Variants in SMG6 observed in about 807,000 individuals in gnomAD.
The protein encoded by SMG6 is SMG6 nonsense mediated mRNA decay factor.
A neutral mutation model predicts 142.2 loss-of-function variants in SMG6; 66 were observed. The ratio of observed to expected loss-of-function variants is 0.46; its 90% confidence interval spans 0.38 to 0.57. The LOEUF is 0.57. Among genes scored for constraint, SMG6 ranks in the 20% least tolerant of loss-of-function variants. SMG6 has a pLI of 0.00. For synonymous variants in SMG6, 779 were observed against 702.4 expected (o/e 1.11, Z -1.72); for missense variants, 1,793 against 1,832.0 (o/e 0.98, Z 0.39).
At chr17:2,159,860 C>T (rs969490034) in intron 13 of SMG6, among the ~76,000 whole-genome samples, 3 of 152,018 alleles carry the variant, frequency 2.0e-5, no homozygotes, top group Non-Finnish European at 4.4e-5. Flanking sequence ...ATATAATGCC[C>T]AATATGGATG....
intron 13 of SMG6, among the ~76,000 whole-genome samples, chr17:2,136,942 T>C (rs571765570): frequency 7.9e-5 from 12 of 152,196 alleles, no homozygotes; most frequent in African/African-American, 2.9e-4. Flanking sequence ...GAGAATTGCT[T>C]GAGCCAGGAG....
intron 10 of SMG6, among the ~76,000 whole-genome samples, chr17:2,213,002 T>C (rs1394276817): frequency 3.9e-5 from 6 of 152,240 alleles, no homozygotes; most frequent in Admixed American, 1.3e-4. Flanking sequence ...GCTGAATTCA[T>C]CTAAGCTAGC....
intron 15 of SMG6, among the ~76,000 whole-genome samples, chr17:2,074,613 G>A (rs1177658881): frequency 2.6e-5 from 4 of 152,158 alleles, no homozygotes; most frequent in African/African-American, 7.2e-5. Context: ...TGTTTTAGGA[G>A]GACTCATCTT....
chr17:2,181,122 G>A (rs1335763386), intron 12 of SMG6, among the ~76,000 whole-genome samples: 1 of 152,214 alleles, frequency 6.6e-6, no homozygotes, highest in East Asian at 1.9e-4. Flanking sequence ...TGTAAGGTCA[G>A]TGGGCATGAG....
In SMG6 at chr17:2,300,781, A is replaced by G. The variant is rs897868784; in HGVS notation, c.89-117T>C. 17 of 903,958 alleles carry G rather than the reference A, an allele frequency of 1.9e-5. No individual in the cohort carries two copies. The African/African-American group carries it at 2.7e-4, about 14-fold the overall frequency. The allele number at this position is 903,958 out of a possible 1,614,324, so 56.0% of individuals were successfully genotyped here. ...ACAAAAAAAGTCGAGCAAGAATTAC[A>G]TATCCAAATGCTAATACTGGTAGGC... On this transcript the variant is annotated intron_variant, in intron 1 of 18. Transcript: ENST00000263073.
intron 13 of SMG6, among the ~76,000 whole-genome samples, chr17:2,112,539 A>AT (rs2151496817): frequency 6.8e-6 from 1 of 147,856 alleles, no homozygotes; most frequent in East Asian, 1.9e-4. Flanking sequence ...AAATAAATAA[A>AT]TAAATAAATA....
chr17:2,182,339 G>A (rs1004580995), intron 12 of SMG6, among the ~76,000 whole-genome samples: 4 of 152,152 alleles, frequency 2.6e-5, no homozygotes, highest in African/African-American at 9.7e-5. Context: ...TGCACAGCTT[G>A]GAGCTCCAAG....
At chr17:2,118,761 A>AT (rs1219638586) in intron 13 of SMG6, among the ~76,000 whole-genome samples, 1 of 151,732 alleles carries the variant, frequency 6.6e-6, no homozygotes. Flanking sequence ...TGATTTTTTA[A>AT]TTTTTTTGTA....
chr17:2,177,851 G>A (rs986070179), intron 12 of SMG6, among the ~76,000 whole-genome samples: 2 of 152,198 alleles, frequency 1.3e-5, no homozygotes, highest in East Asian at 1.9e-4. Context: ...ACAAATGGCT[G>A]TAACAAGAGA....
At chr17:2,186,413 C>T (rs2071986506) in intron 12 of SMG6, among the ~76,000 whole-genome samples, 1 of 151,750 alleles carries the variant, frequency 6.6e-6, no homozygotes, top group Admixed American at 6.6e-5. Context: ...AGAGCAAGAA[C>T]AAATAACAAA....
intron 10 of SMG6, among the ~76,000 whole-genome samples, chr17:2,211,143 A>G (rs2072847610): frequency 6.6e-6 from 1 of 151,790 alleles, no homozygotes; most frequent in Admixed American, 6.6e-5. Flanking sequence ...AACATGCTAT[A>G]ACAGGATGTC....
At chr17:2,283,784 T>A in intron 6 of SMG6, 49 bp from the exon 7 acceptor site, 16 of 1,468,714 alleles carry the variant, frequency 1.1e-5, no homozygotes, top group Non-Finnish European at 1.5e-5. Flanking sequence ...TCGTCCTAAC[T>A]CCAGCAAGAG....
At chr17:2,145,643 C>CAAA (rs61451940) in intron 13 of SMG6, among the ~76,000 whole-genome samples, 325 of 23,718 alleles carry the variant, frequency 0.014, 67 homozygotes, top group African/African-American at 0.038. Flanking sequence ...TCCATCTCCC[C>CAAA]AAAAAAAAAA....
chr17:2,187,324 C>T (rs1306526031), intron 11 of SMG6, among the ~76,000 whole-genome samples: 1 of 152,188 alleles, frequency 6.6e-6, no homozygotes, highest in Admixed American at 6.5e-5. Flanking sequence ...TATCTAAATG[C>T]AACGTGTGCT....
intron 13 of SMG6, among the ~76,000 whole-genome samples, chr17:2,091,857 T>G (rs1444330384): frequency 2.7e-5 from 4 of 150,750 alleles, no homozygotes; most frequent in African/African-American, 9.9e-5. Flanking sequence ...TGTGTGTGTT[T>G]TTTTTTAGTA....
intron 2 of SMG6, among the ~76,000 whole-genome samples, chr17:2,298,689 G>T (rs1001333288): frequency 4.7e-5 from 7 of 149,892 alleles, no homozygotes; most frequent in Non-Finnish European, 1.5e-5. Flanking sequence ...CTGCACTCCA[G>T]CCTGGGCGAC....
At chr17:2,226,129 G>C (rs1310313643) in intron 10 of SMG6, among the ~76,000 whole-genome samples, 1 of 152,078 alleles carries the variant, frequency 6.6e-6, no homozygotes, top group Non-Finnish European at 1.5e-5. Context: ...TACAAAATTA[G>C]CTGGGTGTGG....
At chr17:2,187,787 G>T (rs1218124510) in intron 11 of SMG6, among the ~76,000 whole-genome samples, 1 of 151,036 alleles carries the variant, frequency 6.6e-6, no homozygotes, top group African/African-American at 2.4e-5. Flanking sequence ...CATTCACAAA[G>T]CTGGTGCGGC....
intron 10 of SMG6, chr17:2,229,538 C>T (rs1478310045): frequency 6.6e-6 from 1 of 152,136 alleles, no homozygotes; most frequent in East Asian, 1.9e-4. Flanking sequence ...TATGATTTTC[C>T]TCATCTATGA....
Sources: allele counts gnomAD v4.1 joint callset (sites outside exome capture counted in the v4.1 genomes callset), GRCh38; gene constraint gnomAD v4.1.1; transcripts MANE v1.5; gene names NCBI Gene and HGNC (gene_info 2026-07-23, HGNC 2026-07-21).